The following NAV2 variants were observed in gnomAD, a reference collection of about 807,000 sequenced individuals.
NAV2 encodes helicase, APC down-regulated 1.
In NAV2, 54 loss-of-function variants were observed where a neutral mutation model predicts 223.2. That is an observed-to-expected ratio of 0.24 (90% CI 0.19 to 0.30). The LOEUF (loss-of-function observed/expected upper bound fraction) is 0.30, where lower values mean the gene tolerates loss of function less well. NAV2 is among the 10% of genes least tolerant of loss of function. NAV2 has a pLI of 1.00. For missense variants in NAV2, 2,806 were observed against 3,147.5 expected, an observed-to-expected ratio of 0.89 and a Z score of 2.60; for synonymous variants, 1,279 against 1,239.3, an observed-to-expected ratio of 1.03 and a Z score of -0.67.
chr11:19,426,468 G>T (rs143919963), intron 1 of NAV2, among the ~76,000 whole-genome samples: 1 of 152,022 alleles, frequency 6.6e-6, no homozygotes, highest in Non-Finnish European at 1.5e-5. Flanking sequence ...AAAAATATTC[G>T]CCTTTTTGCT....
chr11:19,761,011 G>A (rs2054694485), intron 1 of NAV2, among the ~76,000 whole-genome samples: 1 of 152,182 alleles, frequency 6.6e-6, no homozygotes, highest in South Asian at 2.1e-4. Context: ...CCCATTGGGA[G>A]TGCTGTTCTT....
intron 1 of NAV2, among the ~76,000 whole-genome samples, chr11:19,590,764 A>G (rs529967939): frequency 2.0e-5 from 3 of 152,328 alleles, no homozygotes; most frequent in African/African-American, 7.2e-5. Flanking sequence ...TTTTTCTTTA[A>G]GTCAATACAT....
At chr11:19,447,388 G>T (rs1178167605) in intron 1 of NAV2, among the ~76,000 whole-genome samples, 2 of 152,174 alleles carry the variant, frequency 1.3e-5, no homozygotes, top group African/African-American at 4.8e-5. Flanking sequence ...TGGGGTGAAG[G>T]TTCAGAGCCT....
intron 6 of NAV2, among the ~76,000 whole-genome samples, chr11:19,917,556 T>C (rs1027480927): frequency 6.6e-6 from 1 of 152,168 alleles, no homozygotes; most frequent in African/African-American, 2.4e-5. Context: ...CCAAGAAATA[T>C]TCTGCTATCC....
intron 1 of NAV2, among the ~76,000 whole-genome samples, chr11:19,589,802 G>A (rs1190016708): frequency 6.6e-6 from 1 of 152,196 alleles, no homozygotes; most frequent in Non-Finnish European, 1.5e-5. Flanking sequence ...CCAAGGGATG[G>A]TCTATTTAAA....
At chr11:20,081,014 C>T (rs149066308) in intron 25 of NAV2, among the ~76,000 whole-genome samples, 14 of 152,326 alleles carry the variant, frequency 9.2e-5, no homozygotes, top group African/African-American at 2.4e-4. Context: ...CCAGTGGCCC[C>T]GTTCCCCATT....
chr11:19,469,263 T>A (rs2041883779), intron 1 of NAV2, among the ~76,000 whole-genome samples: 1 of 152,208 alleles, frequency 6.6e-6, no homozygotes, highest in African/African-American at 2.4e-5. Context: ...ATGAATGAGC[T>A]GAGTCAGAGC....
chr11:19,796,745 C>T (rs143371941), intron 1 of NAV2, among the ~76,000 whole-genome samples: 1 of 152,296 alleles, frequency 6.6e-6, no homozygotes, highest in Non-Finnish European at 1.5e-5. Context: ...ACCACATGCC[C>T]CTACACACCC....
intron 1 of NAV2, among the ~76,000 whole-genome samples, chr11:19,410,470 T>A (rs886363744): frequency 1.3e-5 from 2 of 152,214 alleles, no homozygotes; most frequent in Non-Finnish European, 2.9e-5. Flanking sequence ...AACCAAGGCA[T>A]GGAGAGGCTA....
At chr11:19,519,764 C>T in intron 1 of NAV2, 1 of 152,304 alleles carries the variant, frequency 6.6e-6, no homozygotes, top group Non-Finnish European at 1.5e-5. Flanking sequence ...AGGAGAATGT[C>T]CTTTAGCAAA....
chr11:19,609,666 C>A (rs1056651959), intron 1 of NAV2, among the ~76,000 whole-genome samples: 6 of 152,164 alleles, frequency 3.9e-5, no homozygotes. Context: ...AGAGACTAAC[C>A]ACTGCATGCC....
rs2057303979 is a variant in NAV2 at position 20,044,983 on chromosome 11, C to G, written c.3215C>G (p.Ala1072Gly). The G allele has an allele frequency of 1.2e-6, 2 of 1,611,548 alleles. No individual in the cohort carries two copies. Among genetic ancestry groups the G allele is most frequent in the East Asian group, 4.5e-5 (2 of 44,852 alleles). Reference sequence around the variant, plus strand: ...TCTCTCTTAGGAAAAACAGACGACGCAAAGGTGTCTGAGAAAGGAAGGCTT... The same window carrying G: ...TCTCTCTTAGGAAAAACAGACGACGGAAAGGTGTCTGAGAAAGGAAGGCTT... Reference protein sequence around the residue: ...KTPGTGKTDDAKVSEKGRLSP... With the variant: ...KTPGTGKTDDGKVSEKGRLSP... Residue 1072 changes from alanine to glycine, a missense_variant, in exon 14 of 38, where the codon GCA (alanine) becomes GGA (glycine). Coordinates refer to ENST00000349880, the MANE Select transcript of NAV2 (RefSeq NM_145117.5).
chr11:19,435,964 T>A (rs960795586), intron 1 of NAV2, among the ~76,000 whole-genome samples: 1 of 152,186 alleles, frequency 6.6e-6, no homozygotes, highest in Non-Finnish European at 1.5e-5. Context: ...CTATTTTGGA[T>A]ATCAGCTCCT....
At chr11:19,359,904 G>A (rs1341935448) in intron 1 of NAV2, among the ~76,000 whole-genome samples, 2 of 152,024 alleles carry the variant, frequency 1.3e-5, no homozygotes, top group African/African-American at 4.8e-5. Flanking sequence ...TGCTTCTCAT[G>A]GTTTCTTTCT....
intron 1 of NAV2, among the ~76,000 whole-genome samples, chr11:19,659,104 A>C (rs1319541750): frequency 6.6e-6 from 1 of 152,238 alleles, no homozygotes; most frequent in Non-Finnish European, 1.5e-5. Context: ...AAGAAAACTA[A>C]AGAAATTTAA....
intron 7 of NAV2, among the ~76,000 whole-genome samples, chr11:19,935,863 T>G (rs1243104063): frequency 9.1e-6 from 1 of 110,192 alleles, no homozygotes; most frequent in South Asian, 3.8e-4. Context: ...TTTTTTTTTT[T>G]TTTTTTTTTT....
In NAV2 at chr11:19,713,204, C is replaced by T. The variant is rs2152313355; in HGVS notation, c.-492C>T. ...TTCTCTCCTTCCTTCGCTGCTGTCT[C>T]CTTTCCTTCCTTGGCTGCTCGCTCT... On this transcript the variant is annotated 5_prime_UTR_variant, in exon 1 of 38. Transcript: ENST00000349880. The surrounding 1 kb of genome is among the most constrained non-coding windows in gnomAD (Gnocchi z 7.2). 4 of 579,382 alleles carry T rather than the reference C, an allele frequency of 6.9e-6. No individual in the cohort carries two copies. Among genetic ancestry groups the T allele is most frequent in the Non-Finnish European group, 8.7e-6 (4 of 458,642 alleles). 35.9% of individuals were successfully genotyped at this position (579,382 alleles called of 1,614,324 possible). A position where few individuals can be genotyped will look rare whatever the true frequency, so the allele number is the denominator to read the frequency against.
intron 1 of NAV2, among the ~76,000 whole-genome samples, chr11:19,550,963 G>T (rs1362372076): frequency 2.6e-5 from 4 of 152,224 alleles, no homozygotes; most frequent in Non-Finnish European, 4.4e-5. Context: ...CATATAATGA[G>T]AAGTAGGTAT....
chr11:19,743,491 A>T (rs1230071695), intron 1 of NAV2, among the ~76,000 whole-genome samples: 1 of 152,218 alleles, frequency 6.6e-6, no homozygotes. Context: ...TCTTGCCTGC[A>T]GTCTGCTCAC....
Sources: gnomAD v4.1 joint callset for allele counts (sites outside exome capture counted in the v4.1 genomes callset) on GRCh38, gnomAD v4.1.1 for gene constraint, Gnocchi (gnomAD v3.1) non-coding constraint, MANE v1.5 for transcripts, NCBI Gene and HGNC (gene_info 2026-07-23, HGNC 2026-07-21) for gene names.